MYLK4: variants seen among roughly 807,000 people sequenced by gnomAD.
MYLK4 encodes caMLCK like.
A neutral mutation model predicts 48.1 loss-of-function variants in MYLK4; 46 were observed. That is an observed-to-expected ratio of 0.96 (90% CI 0.75 to 1.22). The LOEUF (loss-of-function observed/expected upper bound fraction) is 1.22, where lower values mean the gene tolerates loss of function less well. Ranked by LOEUF, MYLK4 falls within the 50% of genes most tolerant of loss-of-function variation. The probability of loss-of-function intolerance (pLI) is 0.00; values close to 1 mark genes in which losing one functional copy is unlikely to be tolerated. For synonymous variants in MYLK4, 170 were observed against 180.8 expected (o/e 0.94, Z 0.48); for missense variants, 451 against 486.1 (o/e 0.93, Z 0.68).
At chr6:2,691,019 A>AC (rs1761774009) in intron 3 of MYLK4, among the ~76,000 whole-genome samples, 1 of 151,784 alleles carries the variant, frequency 6.6e-6, no homozygotes, top group Non-Finnish European at 1.5e-5. Flanking sequence ...TTAAATAGAG[A>AC]CGGGGTTTCA....
chr6:2,717,955 C>T (rs377198663), intron 2 of MYLK4, among the ~76,000 whole-genome samples: 25 of 152,094 alleles, frequency 1.6e-4, no homozygotes, highest in South Asian at 4.1e-4. Context: ...CCGAGGCAGG[C>T]GGATCACCTG....
At chr6:2,761,405 T>G in the MYLK4 span, among the ~76,000 whole-genome samples, 1 of 152,242 alleles carries the variant, frequency 6.6e-6, no homozygotes, top group African/African-American at 2.4e-5. Context: ...TAAATTTGAT[T>G]GGCAAAGCAA....
intron 2 of MYLK4, among the ~76,000 whole-genome samples, chr6:2,705,562 T>C (rs1008269316): frequency 1.3e-5 from 2 of 152,126 alleles, no homozygotes; most frequent in Non-Finnish European, 2.9e-5. Flanking sequence ...AGAATAACAA[T>C]CTCTTATTCT....
At chr6:2,690,593 G>A (rs965527125) in intron 3 of MYLK4, among the ~76,000 whole-genome samples, 13 of 152,126 alleles carry the variant, frequency 8.5e-5, no homozygotes, top group African/African-American at 3.1e-4. Flanking sequence ...GGGGCTTGGG[G>A]AGGAAATGGA....
intron 3 of MYLK4, among the ~76,000 whole-genome samples, chr6:2,691,440 A>G (rs183025711): frequency 5.9e-5 from 9 of 152,368 alleles, no homozygotes; most frequent in Admixed American, 5.9e-4. Flanking sequence ...AACTTAGAGT[A>G]GTTCATTTTA....
intron 2 of MYLK4, chr6:2,744,191 C>T (rs139001232): frequency 2.5e-5 from 10 of 395,938 alleles, no homozygotes; most frequent in East Asian, 7.2e-5. Context: ...CTGCACTGGA[C>T]GTCTCCAGTT....
chr6:2,749,323 T>C lies in MYLK4; in HGVS notation c.-29A>G, dbSNP rs1305490377. On this transcript the variant is annotated 5_prime_UTR_variant, in exon 2 of 13. Transcript: ENST00000274643. ...AGTAGTGAGTCCGATTAAGCTACTT[T>C]CTGGAGTGTGGTTTTCGTCTCCCTC... The C allele has an allele frequency of 2.0e-5, 32 of 1,596,316 alleles. No individual in the cohort carries two copies. Among genetic ancestry groups the C allele is most frequent in the Non-Finnish European group, 2.7e-5 (32 of 1,169,082 alleles).
upstream of MYLK4, among the ~76,000 whole-genome samples, chr6:2,752,038 T>C (rs1266680118): frequency 6.6e-6 from 1 of 152,186 alleles, no homozygotes; most frequent in African/African-American, 2.4e-5. Context: ...ACAAATGCCC[T>C]GCCAGAGGCA....
chr6:2,736,318 G>C (rs1490085891), intron 2 of MYLK4, among the ~76,000 whole-genome samples: 1 of 152,204 alleles, frequency 6.6e-6, no homozygotes, highest in Non-Finnish European at 1.5e-5. Flanking sequence ...GCAATGGCGC[G>C]ATCTCGGCTC....
the MYLK4 span, among the ~76,000 whole-genome samples, chr6:2,757,744 T>C: frequency 7.5e-4 from 115 of 152,348 alleles, no homozygotes; most frequent in African/African-American, 2.7e-3. Flanking sequence ...AGCAGATGAA[T>C]GATAATACAG....
Position 2,710,342 on chromosome 6 carries a change from T to A in MYLK4, c.160-17483A>T, listed in dbSNP as rs185943633. ...ATGTTCATAGTGTCTTATTAGAAAT[T>A]TACAGCCCCCACTCCCTCCCCAAGT... On this transcript the variant is annotated intron_variant, in intron 2 of 12. Transcript: ENST00000274643. 1.8e-3 allele frequency among the ~76,000 whole-genome samples: 275 copies of A among 152,224 alleles called. 1 individual carries two copies. The highest frequency in any genetic ancestry group is 6.2e-3 in the African/African-American group (259 of 41,532).
the MYLK4 span, among the ~76,000 whole-genome samples, chr6:2,768,142 C>A: frequency 6.6e-6 from 1 of 152,190 alleles, no homozygotes; most frequent in African/African-American, 2.4e-5. Context: ...CCCTTCATCT[C>A]CTACCAGAGT....
In MYLK4 at chr6:2,743,592, A is replaced by T. The variant is rs1763970063; in HGVS notation, c.159+5544T>A. On this transcript the variant is annotated intron_variant, in intron 2 of 12. Transcript: ENST00000274643. ...TTTGCTTCTGTTTTATTTTCTTTTCATAAGTCATATAAGAAGTAGGAGAAG... is the reference window on the plus strand; with the variant it reads ...TTTGCTTCTGTTTTATTTTCTTTTCTTAAGTCATATAAGAAGTAGGAGAAG... 1.3e-5 allele frequency among the ~76,000 whole-genome samples: 2 copies of T among 152,318 alleles called. 1 individual carries two copies. Among genetic ancestry groups the T allele is most frequent in the South Asian group, 4.1e-4 (2 of 4,828 alleles).
intron 7 of MYLK4, among the ~76,000 whole-genome samples, chr6:2,682,688 C>G (rs995138948): frequency 9.9e-5 from 15 of 152,202 alleles, no homozygotes; most frequent in African/African-American, 3.6e-4. Flanking sequence ...AAAATCCTCT[C>G]ACCTACTTGT....
intron 3 of MYLK4, 142 bp from the exon 4 acceptor site, chr6:2,689,098 G>T: frequency 1.6e-6 from 1 of 644,194 alleles, no homozygotes; most frequent in Non-Finnish European, 2.7e-6. Context: ...ATGATCCAGG[G>T]ATATAGATTT....
intron 2 of MYLK4, among the ~76,000 whole-genome samples, chr6:2,694,626 G>GTGGTGGTGGTGGTGGTGGTGATGA (rs1761991510): frequency 6.2e-4 from 21 of 33,904 alleles, no homozygotes; most frequent in Non-Finnish European, 1.1e-3. Flanking sequence ...GGTGATGGCG[G>GTGGTGGTGGTGGTGGTGGTGATGA]TTGTAGTGGT....
intron 12 of MYLK4, among the ~76,000 whole-genome samples, chr6:2,670,087 C>T (rs1378990329): frequency 3.3e-5 from 5 of 152,258 alleles, no homozygotes; most frequent in South Asian, 2.1e-4. Context: ...AAGACCAGGC[C>T]AGGCCCGGTG....
the MYLK4 span, chr6:2,765,513 TC>T: frequency 1.6e-6 from 2 of 1,269,494 alleles, no homozygotes; most frequent in South Asian, 2.3e-5. Flanking sequence ...TCCTGCTGGT[TC>T]CCCGAGCGAG....
chr6:2,768,180 C>T, the MYLK4 span, among the ~76,000 whole-genome samples: 2 of 152,202 alleles, frequency 1.3e-5, no homozygotes, highest in Non-Finnish European at 2.9e-5. Flanking sequence ...CTACAGTCAT[C>T]TCAAATGCTA....
Sources: allele counts gnomAD v4.1 joint callset (sites outside exome capture counted in the v4.1 genomes callset), GRCh38; gene constraint gnomAD v4.1.1; transcripts MANE v1.5; gene names NCBI Gene and HGNC (gene_info 2026-07-23, HGNC 2026-07-21).